Variants in CAST observed in about 807,000 individuals in gnomAD.
CAST encodes the protein MIR583 host.
In CAST, 76 loss-of-function variants were observed where a neutral mutation model predicts 119.6. The observed-to-expected ratio is 0.64, with a 90% confidence interval of 0.53 to 0.77. The LOEUF (loss-of-function observed/expected upper bound fraction) is 0.77. CAST is among the 30% of genes least tolerant of loss of function. CAST has a pLI of 0.00. For missense variants in CAST, 953 were observed against 946.5 expected, an observed-to-expected ratio of 1.01 and a Z score of -0.09; for synonymous variants, 319 against 331.6, an observed-to-expected ratio of 0.96 and a Z score of 0.41.
the CAST span, among the ~76,000 whole-genome samples, chr5:95,998,882 T>G: frequency 6.6e-6 from 1 of 152,188 alleles, no homozygotes; most frequent in African/African-American, 2.4e-5. Flanking sequence ...TGTGTAAACA[T>G]TCCCTTTTTC....
At chr5:96,532,179 AT>A (rs1745700779) in intron 1 of CAST, among the ~76,000 whole-genome samples, 1 of 152,200 alleles carries the variant, frequency 6.6e-6, no homozygotes, top group Admixed American at 6.5e-5. Flanking sequence ...AGAAAAAAAA[AT>A]GATAGAAAAT....
the CAST span, among the ~76,000 whole-genome samples, chr5:96,382,591 G>A: frequency 2.6e-5 from 4 of 152,136 alleles, no homozygotes; most frequent in Admixed American, 1.3e-4. Flanking sequence ...GGGATACAAC[G>A]ATGAATAAAA....
At chr5:96,066,029 T>C in the CAST span, among the ~76,000 whole-genome samples, 1 of 152,180 alleles carries the variant, frequency 6.6e-6, no homozygotes, top group Non-Finnish European at 1.5e-5. Context: ...AACACTCCCA[T>C]TCCTGTTAAA....
intron 1 of CAST, among the ~76,000 whole-genome samples, chr5:96,607,620 T>TTGTGCTTTTCGAGGGTGTCCTTTCA (rs57677271): frequency 0.33 from 49,747 of 150,938 alleles, 8,325 homozygotes; most frequent in East Asian, 0.57. Flanking sequence ...AAACACGTAT[T>TTGTGCTTTTCGAGGGTGTCCTTTCA]TGTGCTTTTC....
At chr5:96,265,139 C>T in the CAST span, among the ~76,000 whole-genome samples, 1 of 152,094 alleles carries the variant, frequency 6.6e-6, no homozygotes, top group Non-Finnish European at 1.5e-5. Flanking sequence ...TTCCTTTCTA[C>T]CAGTACCATA....
chr5:96,261,228 ATGT>A, the CAST span, among the ~76,000 whole-genome samples: 4 of 152,216 alleles, frequency 2.6e-5, no homozygotes, highest in East Asian at 7.7e-4. Flanking sequence ...AATGATGAAA[ATGT>A]TGTATTATCT....
intron 1 of CAST, among the ~76,000 whole-genome samples, chr5:96,548,055 A>T (rs573611342): frequency 6.6e-6 from 1 of 152,346 alleles, no homozygotes; most frequent in South Asian, 2.1e-4. Flanking sequence ...TCTGTTTGAC[A>T]GACAGGCCAC....
the CAST span, among the ~76,000 whole-genome samples, chr5:96,102,221 G>T: frequency 1.3e-5 from 2 of 152,276 alleles, no homozygotes; most frequent in Non-Finnish European, 2.9e-5. Flanking sequence ...CTTGGAGGAT[G>T]GTGGAGGCAG....
the CAST span, among the ~76,000 whole-genome samples, chr5:96,266,653 T>G: frequency 6.6e-6 from 1 of 152,044 alleles, no homozygotes; most frequent in African/African-American, 2.4e-5. Context: ...AAGAGAAAGA[T>G]AATCAACAGG....
the CAST span, among the ~76,000 whole-genome samples, chr5:96,132,551 T>C: frequency 6.6e-6 from 1 of 152,120 alleles, no homozygotes; most frequent in Non-Finnish European, 1.5e-5. Flanking sequence ...ACAACCTCTC[T>C]TCATTCTCGC....
chr5:96,394,284 T>C, the CAST span, among the ~76,000 whole-genome samples: 1 of 152,196 alleles, frequency 6.6e-6, no homozygotes, highest in Non-Finnish European at 1.5e-5. Flanking sequence ...CCAGGAGCCA[T>C]AGCAGGCTGA....
the CAST span, among the ~76,000 whole-genome samples, chr5:96,197,524 C>A: frequency 2.0e-5 from 3 of 152,126 alleles, no homozygotes; most frequent in African/African-American, 7.2e-5. Flanking sequence ...TTAAGTACAG[C>A]TGGAAGGGGC....
chr5:96,554,193 G>A lies in CAST; in HGVS notation c.60+24313G>A, dbSNP rs563115716. On this transcript the variant is annotated intron_variant, in intron 1 of 11. Coordinates refer to the CAST transcript ENST00000505143. The stretch of plus-strand genomic sequence containing the variant: ...CAGTAACCAAAACAGCATGGTACTG[G>A]TACCAAAACAGATATATAGACCAAT... Among the ~76,000 whole-genome samples, 202 of 152,298 alleles carry A rather than the reference G, an allele frequency of 1.3e-3. 1 individual carries two copies. Among genetic ancestry groups the A allele is most frequent in the South Asian group, 2.7e-3 (13 of 4,822 alleles).
chr5:96,524,445 G>A (rs1047989183), upstream of CAST, among the ~76,000 whole-genome samples: 6 of 152,228 alleles, frequency 3.9e-5, no homozygotes, highest in Admixed American at 3.9e-4. Flanking sequence ...CCTGGAGGCT[G>A]AAGGGGTCAG....
intron 15 of CAST, 160 bp from the exon 16 acceptor site, chr5:96,742,495 T>G: frequency 1.7e-6 from 1 of 601,444 alleles, no homozygotes; most frequent in Non-Finnish European, 3.0e-6. Context: ...TCTTTTTCCT[T>G]TCTCTCTTTT....
chr5:96,263,478 A>C, the CAST span, among the ~76,000 whole-genome samples: 1,218 of 152,284 alleles, frequency 8.0e-3, 21 homozygotes, highest in African/African-American at 0.027. Flanking sequence ...AGGATAAATT[A>C]TCAATATGGG....
chr5:96,296,471 G>A, the CAST span, among the ~76,000 whole-genome samples: 206 of 152,222 alleles, frequency 1.4e-3, no homozygotes, highest in Middle Eastern at 6.8e-3. Flanking sequence ...CTTTATGGTT[G>A]TTGTCATATT....
rs371414596 is a variant in CAST, at chr5:96,730,881, G to A, written c.630+21G>A. 44 of 1,551,320 alleles carry A rather than the reference G, an allele frequency of 2.8e-5. No individual in the cohort carries two copies. The African/African-American group carries it at 3.8e-4, about 13-fold the overall frequency. ...ACAAGGTGAGCACACACAAGCAGAC[G>A]GAAACGTGGGCCTCTGTGCTTCTCA... On this transcript the variant is annotated intron_variant, in intron 9 of 31. Transcript: ENST00000675179.
chr5:96,065,232 A>G, the CAST span, among the ~76,000 whole-genome samples: 2 of 152,024 alleles, frequency 1.3e-5, no homozygotes, highest in African/African-American at 4.8e-5. Context: ...AAGTATATTA[A>G]TGAGTCAAAT....
Sources: allele counts gnomAD v4.1 joint callset (sites outside exome capture counted in the v4.1 genomes callset), GRCh38; gene constraint gnomAD v4.1.1; transcripts MANE v1.5; gene names NCBI Gene and HGNC (gene_info 2026-07-23, HGNC 2026-07-21).